AGBL1: variants seen among roughly 807,000 people sequenced by gnomAD.
AGBL1 encodes cytosolic carboxypeptidase 4.
AGBL1 carries 130 observed loss-of-function variants against 118.9 expected under a neutral mutation model. The observed-to-expected ratio is 1.09, with a 90% CI of 0.95 to 1.26. The LOEUF is 1.26. Ranked by LOEUF, AGBL1 falls within the 50% of genes most tolerant of loss-of-function variation. The pLI is 0.00. For synonymous variants in AGBL1, 555 were observed against 478.9 expected (o/e 1.16, Z -2.08); for missense variants, 1,584 against 1,298.1 (o/e 1.22, Z -3.38).
chr15:86,189,060 A>G (rs1349452002), intron 5 of AGBL1, among the ~76,000 whole-genome samples: 2 of 152,222 alleles, frequency 1.3e-5, no homozygotes, highest in African/African-American at 4.8e-5. Context: ...AGAATTGAGA[A>G]AATGTCAATG....
chr15:86,224,656 G>A (rs1390616148), intron 5 of AGBL1, among the ~76,000 whole-genome samples: 1 of 152,154 alleles, frequency 6.6e-6, no homozygotes, highest in Admixed American at 6.5e-5. Context: ...TGGAAGGTGG[G>A]AGGCAAGCAG....
intron 19 of AGBL1, among the ~76,000 whole-genome samples, chr15:86,535,315 A>G (rs1165436458): frequency 6.6e-6 from 1 of 152,218 alleles, no homozygotes; most frequent in Non-Finnish European, 1.5e-5. Flanking sequence ...AGCTCCCTCT[A>G]AAAGCCAAGA....
chr15:86,380,275 TCC>T (rs1178170874), intron 17 of AGBL1, among the ~76,000 whole-genome samples: 8,944 of 110,602 alleles, frequency 0.081, 427 homozygotes, highest in African/African-American at 0.2. Flanking sequence ...CTTCCTTCCT[TCC>T]TTTTTTTTTT....
intron 23 of AGBL1, among the ~76,000 whole-genome samples, chr15:86,954,137 A>C (rs975057459): frequency 2.6e-5 from 4 of 152,192 alleles, no homozygotes; most frequent in African/African-American, 4.8e-5. Context: ...TTAAAAAGTC[A>C]AAAAACAACA....
At chr15:86,785,385 GT>G (rs983041878) in intron 22 of AGBL1, among the ~76,000 whole-genome samples, 41 of 74,142 alleles carry the variant, frequency 5.5e-4, no homozygotes, top group African/African-American at 2.1e-3. Flanking sequence ...TTTTGTTTTT[GT>G]TTTTTTGAGA....
intron 17 of AGBL1, chr15:86,296,797 C>G (rs1235257486): frequency 6.6e-6 from 1 of 152,154 alleles, no homozygotes; most frequent in East Asian, 1.9e-4. Context: ...ATGAGCAGTG[C>G]TTGGGAGCTG....
At chr15:86,097,333 C>T (rs964340014) in intron 1 of AGBL1, among the ~76,000 whole-genome samples, 2 of 152,138 alleles carry the variant, frequency 1.3e-5, no homozygotes, top group African/African-American at 4.8e-5. Flanking sequence ...CAGGTTCTCT[C>T]TTCTAGCTCT....
chr15:86,702,344 C>G (rs577644091), intron 22 of AGBL1, among the ~76,000 whole-genome samples: 9 of 152,114 alleles, frequency 5.9e-5, no homozygotes, highest in Admixed American at 2.0e-4. Flanking sequence ...GAGTGGAACT[C>G]TAGCAGGACA....
At chr15:86,893,859 A>G (rs1011225331) in intron 22 of AGBL1, among the ~76,000 whole-genome samples, 2 of 152,190 alleles carry the variant, frequency 1.3e-5, no homozygotes, top group Non-Finnish European at 2.9e-5. Context: ...ATGCTATGGC[A>G]TTCATTTCTA....
chr15:86,504,203 A>C (rs1270560677), intron 18 of AGBL1, among the ~76,000 whole-genome samples: 2 of 151,592 alleles, frequency 1.3e-5, no homozygotes, highest in African/African-American at 4.8e-5. Context: ...TTGTGAGTTA[A>C]AGTACATTAT....
downstream of AGBL1, among the ~76,000 whole-genome samples, chr15:86,918,630 T>C (rs374690174): frequency 1.3e-5 from 2 of 152,308 alleles, no homozygotes; most frequent in South Asian, 4.1e-4. Flanking sequence ...ACGTACCTAT[T>C]AATTTAAATT....
intron 18 of AGBL1, among the ~76,000 whole-genome samples, chr15:86,482,308 A>G (rs966833051): frequency 6.6e-6 from 1 of 152,122 alleles, no homozygotes; most frequent in African/African-American, 2.4e-5. Context: ...AGAGAGCACA[A>G]ATGGTTATTA....
intron 22 of AGBL1, among the ~76,000 whole-genome samples, chr15:86,864,470 C>T (rs957776655): frequency 6.6e-6 from 1 of 152,100 alleles, no homozygotes; most frequent in Non-Finnish European, 1.5e-5. Context: ...ACCTTCATGT[C>T]ATAGATAAGA....
intron 22 of AGBL1, among the ~76,000 whole-genome samples, chr15:86,834,297 A>G (rs2079143786): frequency 6.6e-6 from 1 of 152,166 alleles, no homozygotes; most frequent in Non-Finnish European, 1.5e-5. Flanking sequence ...CCATCAGGCA[A>G]GCAACCCAGA....
At chr15:86,467,160 G>C (rs1012651384) in intron 18 of AGBL1, among the ~76,000 whole-genome samples, 1 of 152,232 alleles carries the variant, frequency 6.6e-6, no homozygotes, top group Non-Finnish European at 1.5e-5. Flanking sequence ...TTCTTTCAGA[G>C]AGGCCCTGCC....
intron 22 of AGBL1, among the ~76,000 whole-genome samples, chr15:86,895,796 CT>C (rs1215881589): frequency 9.2e-5 from 14 of 152,004 alleles, no homozygotes; most frequent in African/African-American, 3.4e-4. Flanking sequence ...CTAAATGTCC[CT>C]TATTTAAAGA....
At chr15:86,372,634 G>C (rs975757076) in intron 17 of AGBL1, among the ~76,000 whole-genome samples, 2 of 152,164 alleles carry the variant, frequency 1.3e-5, no homozygotes, top group African/African-American at 4.8e-5. Context: ...ACAGACTTTT[G>C]GTTTTTTTCT....
At chr15:86,257,062 A>AT (rs1567160113) in intron 8 of AGBL1, 44 bp downstream of exon 8, 2 of 1,570,594 alleles carry the variant, frequency 1.3e-6, no homozygotes, top group South Asian at 1.2e-5. Context: ...GAGTTTTTGC[A>AT]TTTTGACCAT....
chr15:86,269,715 A>C lies in AGBL1; in HGVS notation c.1839-204A>C, dbSNP rs1451702895. On this transcript the variant is annotated intron_variant, in intron 13 of 22. Coordinates refer to ENST00000614907, the MANE Select transcript of AGBL1 (RefSeq NM_001386094.1). ...CTATTGTGTAATTGACTCTTGTAAT[A>C]CTAGGAAGCCCCCTCACCTCCATGA... Among the ~76,000 whole-genome samples the C allele has an allele frequency of 3.9e-5, 6 of 152,340 alleles. No homozygotes were observed. In the East Asian group the frequency reaches 1.2e-3, roughly 29 times the overall value.
Sources: gnomAD v4.1 joint callset for allele counts (sites outside exome capture counted in the v4.1 genomes callset) on GRCh38, gnomAD v4.1.1 for gene constraint, MANE v1.5 for transcripts, NCBI Gene and HGNC (gene_info 2026-07-23, HGNC 2026-07-21) for gene names.